Variants in HHAT observed in about 807,000 individuals in gnomAD.
The protein encoded by HHAT is hedgehog acyltransferase.
A neutral mutation model predicts 70.8 loss-of-function variants in HHAT; 47 were observed. The observed-to-expected ratio is 0.66, with a 90% CI of 0.53 to 0.85. The LOEUF is 0.85. Among genes scored for constraint, HHAT ranks in the 40% least tolerant of loss-of-function variants. The probability of loss-of-function intolerance (pLI) is 0.00; values close to 1 mark genes in which losing one functional copy is unlikely to be tolerated. For missense variants in HHAT, 609 were observed against 604.8 expected (o/e 1.01, Z -0.07); for synonymous variants, 228 against 247.6 (o/e 0.92, Z 0.74).
At chr1:210,407,461 C>G (rs561344788) in intron 6 of HHAT, among the ~76,000 whole-genome samples, 1 of 152,358 alleles carries the variant, frequency 6.6e-6, no homozygotes, top group South Asian at 2.1e-4. Context: ...CACCCAGTAT[C>G]TGCAAACTCC....
rs889325175 is a variant in HHAT at position 210,561,506 on chromosome 1, C to T, written c.1044-26392C>T. Among the ~76,000 whole-genome samples the T allele has an allele frequency of 5.9e-5, 9 of 152,214 alleles. No homozygotes were observed. In the East Asian group the frequency reaches 1.4e-3, roughly 23 times the overall value. ...TTTTCTACCTCATATCATAGGTTTA[C>T]GTGTGGCAAGTGCCCAGCCATCTGC... On this transcript the variant is annotated intron_variant, in intron 9 of 11. Coordinates refer to ENST00000261458, the MANE Select transcript of HHAT (RefSeq NM_018194.6).
At chr1:210,434,791 TAC>T (rs2093337365) in intron 7 of HHAT, among the ~76,000 whole-genome samples, 1 of 151,864 alleles carries the variant, frequency 6.6e-6, no homozygotes, top group Non-Finnish European at 1.5e-5. Flanking sequence ...GTAAATGCAT[TAC>T]ACAGCAAATA....
At chr1:210,564,029 C>T (rs1395117395) in intron 9 of HHAT, among the ~76,000 whole-genome samples, 1 of 152,084 alleles carries the variant, frequency 6.6e-6, no homozygotes, top group East Asian at 1.9e-4. Flanking sequence ...TCTCAGCTCA[C>T]AGCAACCTCT....
chr1:210,377,413 C>T (rs1429560881), intron 3 of HHAT, among the ~76,000 whole-genome samples: 1 of 152,162 alleles, frequency 6.6e-6, no homozygotes, highest in East Asian at 1.9e-4. Flanking sequence ...CAACTTCACC[C>T]TGAAACTTAA....
intron 5 of HHAT, 72 bp downstream of exon 5, chr1:210,400,734 C>A: frequency 7.2e-7 from 1 of 1,385,832 alleles, no homozygotes; most frequent in African/African-American, 1.4e-5. Context: ...CCAGTAGACA[C>A]CTTGGTTTTC....
At chr1:210,473,948 C>T (rs547687446) in intron 8 of HHAT, among the ~76,000 whole-genome samples, 38 of 152,196 alleles carry the variant, frequency 2.5e-4, no homozygotes, top group Non-Finnish European at 4.9e-4. Flanking sequence ...CCTTCTGTTT[C>T]TCTGAAATAT....
chr1:210,498,079 T>C (rs1483137372), intron 8 of HHAT, among the ~76,000 whole-genome samples: 2 of 152,256 alleles, frequency 1.3e-5, no homozygotes, highest in East Asian at 3.9e-4. Flanking sequence ...ATGTATCAGT[T>C]GACCCCCTAA....
intron 9 of HHAT, among the ~76,000 whole-genome samples, chr1:210,578,869 G>A (rs770899556): frequency 2.6e-5 from 4 of 152,224 alleles, no homozygotes; most frequent in Non-Finnish European, 4.4e-5. Context: ...GATGTTTACT[G>A]TAGCACTATT....
chr1:210,371,135 A>T (rs1484317002), intron 3 of HHAT, among the ~76,000 whole-genome samples: 1 of 152,004 alleles, frequency 6.6e-6, no homozygotes, highest in Non-Finnish European at 1.5e-5. Flanking sequence ...TCCATCACCA[A>T]TCATGGGTTT....
intron 11 of HHAT, among the ~76,000 whole-genome samples, chr1:210,659,021 A>T (rs1196867062): frequency 6.6e-6 from 1 of 152,048 alleles, no homozygotes; most frequent in Non-Finnish European, 1.5e-5. Flanking sequence ...CATCACAATT[A>T]AAAGAACTAG....
At chr1:210,534,682 C>T (rs6540604) in intron 9 of HHAT, among the ~76,000 whole-genome samples, 148,603 of 152,326 alleles carry the variant, frequency 0.98, 72,570 homozygotes, top group Non-Finnish European at 1. Context: ...ATTTTGTGCA[C>T]GAAACAGTGT....
chr1:210,568,209 C>T (rs902409876), intron 9 of HHAT, among the ~76,000 whole-genome samples: 1 of 152,250 alleles, frequency 6.6e-6, no homozygotes, highest in Non-Finnish European at 1.5e-5. Flanking sequence ...TGATGAACTT[C>T]CAGATAGCTA....
intron 3 of HHAT, among the ~76,000 whole-genome samples, chr1:210,370,163 CTTTTTTT>C (rs200442278): frequency 4.7e-4 from 58 of 122,370 alleles, no homozygotes; most frequent in African/African-American, 7.1e-4. Flanking sequence ...TCTTCAATGA[CTTTTTTT>C]TTTTTTTTTT....
At position 210,538,067 on chromosome 1, in the gene HHAT, C is replaced by T. The variant is rs74870365; in HGVS notation, c.1043+24879C>T. ...TTTTTTTCCTTTAAACAATTGTACACATTTTGTATTTTTTTTTTTTGCTTT... is the reference window on the plus strand; with the variant it reads ...TTTTTTTCCTTTAAACAATTGTACATATTTTGTATTTTTTTTTTTTGCTTT... On this transcript the variant is annotated intron_variant, in intron 9 of 11. Coordinates refer to ENST00000261458, the MANE Select transcript of HHAT (RefSeq NM_018194.6). 2.7e-5 allele frequency among the ~76,000 whole-genome samples: 4 copies of T among 147,802 alleles called. No individual in the cohort carries two copies. In the East Asian group the frequency reaches 8.1e-4, roughly 30 times the overall value.
chr1:210,623,687 T>G lies in HHAT; in HGVS notation c.1390+17T>G, dbSNP rs775067610. 8 of 1,609,932 alleles carry G rather than the reference T, an allele frequency of 5.0e-6. No homozygotes were observed. The South Asian group carries it at 7.7e-5, about 16-fold the overall frequency. On this transcript the variant is annotated intron_variant, in intron 11 of 11. Transcript: ENST00000261458. ...TCATACAAGGTAAGTTGCTTGACAG[T>G]GCTGTTTTCAGTCAGTTTCTTGTTT...
At chr1:210,651,530 C>T (rs1675156339) in intron 11 of HHAT, among the ~76,000 whole-genome samples, 1 of 152,072 alleles carries the variant, frequency 6.6e-6, no homozygotes, top group Non-Finnish European at 1.5e-5. Context: ...TGAAGGGTAC[C>T]CTGCGGCTTA....
intron 3 of HHAT, among the ~76,000 whole-genome samples, chr1:210,374,461 T>A (rs1032511233): frequency 1.3e-5 from 2 of 152,188 alleles, no homozygotes; most frequent in African/African-American, 4.8e-5. Flanking sequence ...ATGTGCAGGG[T>A]ACTATGGGTA....
At chr1:210,536,836 A>G (rs372993611) in intron 9 of HHAT, among the ~76,000 whole-genome samples, 3 of 152,138 alleles carry the variant, frequency 2.0e-5, no homozygotes, top group East Asian at 3.9e-4. Context: ...CTGTGTACTT[A>G]GATGTTTAAC....
chr1:210,667,017 T>C (rs1679037753), intron 11 of HHAT, among the ~76,000 whole-genome samples: 1 of 151,612 alleles, frequency 6.6e-6, no homozygotes, highest in South Asian at 2.1e-4. Flanking sequence ...AAGGCAGAGC[T>C]TGCAGTGAGC....
Sources: allele counts gnomAD v4.1 joint callset (sites outside exome capture counted in the v4.1 genomes callset), GRCh38; gene constraint gnomAD v4.1.1; transcripts MANE v1.5; gene names NCBI Gene and HGNC (gene_info 2026-07-23, HGNC 2026-07-21).